GLT1D1: variants seen among roughly 807,000 people sequenced by gnomAD.
The protein encoded by GLT1D1 is glycosyltransferase 1 domain-containing protein 1.
GLT1D1 carries 21 observed loss-of-function variants against 28.7 expected under a neutral mutation model. The observed-to-expected ratio is 0.73, with a 90% confidence interval of 0.52 to 1.05. The LOEUF is 1.05. GLT1D1 is among the 50% of genes least tolerant of loss of function. The pLI is 0.00. For missense variants in GLT1D1, 343 were observed against 330.6 expected, an observed-to-expected ratio of 1.04 and a Z score of -0.29; for synonymous variants, 147 against 124.8, an observed-to-expected ratio of 1.18 and a Z score of -1.19.
chr12:128,915,987 C>G (rs1317947470), intron 4 of GLT1D1, among the ~76,000 whole-genome samples: 1 of 150,898 alleles, frequency 6.6e-6, no homozygotes, highest in Non-Finnish European at 1.5e-5. Context: ...ATTTCCACCA[C>G]TCAAGAAAGT....
chr12:128,944,645 C>A, intron 4 of GLT1D1: 1 of 735,864 alleles, frequency 1.4e-6, no homozygotes, highest in South Asian at 1.4e-5. Context: ...TCAGCTTTAT[C>A]TAGGGCTTCT....
chr12:128,876,626 T>C, intron 2 of GLT1D1, among the ~76,000 whole-genome samples: 1 of 152,202 alleles, frequency 6.6e-6, no homozygotes, highest in Non-Finnish European at 1.5e-5. Flanking sequence ...TTTCAATGCA[T>C]ATTTCATCTT....
intron 6 of GLT1D1, among the ~76,000 whole-genome samples, chr12:128,950,668 T>C (rs1876605074): frequency 6.6e-6 from 1 of 152,212 alleles, no homozygotes; most frequent in Non-Finnish European, 1.5e-5. Context: ...GAGTGTCTTA[T>C]GACTGTTCTG....
intron 4 of GLT1D1, among the ~76,000 whole-genome samples, chr12:128,928,656 T>C (rs1246375253): frequency 2.0e-5 from 3 of 151,456 alleles, no homozygotes; most frequent in Non-Finnish European, 4.4e-5. Context: ...GTTTCGCTCC[T>C]GTCACCCAGG....
intron 3 of GLT1D1, among the ~76,000 whole-genome samples, chr12:128,893,284 A>C (rs1331290137): frequency 1.3e-5 from 2 of 152,102 alleles, no homozygotes; most frequent in Non-Finnish European, 2.9e-5. Flanking sequence ...TCGTCAAGCA[A>C]ATGAGCAAAA....
chr12:128,898,158 C>T (rs1263369220), intron 3 of GLT1D1, among the ~76,000 whole-genome samples: 1 of 151,716 alleles, frequency 6.6e-6, no homozygotes, highest in Admixed American at 6.6e-5. Context: ...CCTCCTCCTC[C>T]TCCTCCTTCT....
intron 4 of GLT1D1, among the ~76,000 whole-genome samples, chr12:128,942,734 TGTTTGTTTG>T (rs2076926236): frequency 1.9e-5 from 2 of 103,396 alleles, no homozygotes; most frequent in African/African-American, 7.6e-5. Flanking sequence ...CAATTTTCTT[TGTTTGTTTG>T]TTTTTGTTTT....
chr12:128,936,223 C>T (rs1874541877), intron 4 of GLT1D1, among the ~76,000 whole-genome samples: 1 of 148,486 alleles, frequency 6.7e-6, no homozygotes, highest in African/African-American at 2.5e-5. Context: ...GGCCTGATCT[C>T]GGCTCACTGC....
chr12:128,968,761 G>T lies in GLT1D1; in HGVS notation c.639+11118G>T, dbSNP rs1475602288. On this transcript the variant is annotated intron_variant, in intron 7 of 7. Transcript: ENST00000281703. The stretch of plus-strand genomic sequence containing the variant: ...GATTGGGTGCCTGGGCTGGTGTATT[G>T]TTAGGGACACAGATTCTCCAGTGAG... Among the ~76,000 whole-genome samples, 5 of 152,166 alleles carry T rather than the reference G, an allele frequency of 3.3e-5. No individual in the cohort carries two copies. The East Asian group carries it at 9.7e-4, about 29-fold the overall frequency.
At chr12:128,947,596 G>T in intron 6 of GLT1D1, 138 bp downstream of exon 10, 1 of 862,776 alleles carries the variant, frequency 1.2e-6, no homozygotes, top group Non-Finnish European at 1.9e-6. Flanking sequence ...ATACCTGTTG[G>T]AGTTCAAAAG....
chr12:128,930,252 TC>T (rs1451446776), intron 4 of GLT1D1: 1 of 152,212 alleles, frequency 6.6e-6, no homozygotes, highest in East Asian at 1.9e-4. Context: ...AAGAAAAACT[TC>T]TAGTTTGATG....
intron 7 of GLT1D1, among the ~76,000 whole-genome samples, chr12:128,980,392 G>C (rs1235947144): frequency 6.6e-6 from 1 of 152,218 alleles, no homozygotes. Flanking sequence ...TGAGTGCCTG[G>C]CAAGAGTGTC....
At chr12:128,972,446 G>A (rs1879275658) in intron 7 of GLT1D1, among the ~76,000 whole-genome samples, 1 of 152,216 alleles carries the variant, frequency 6.6e-6, no homozygotes, top group African/African-American at 2.4e-5. Flanking sequence ...CACACCTGCT[G>A]CTAGGGAGGC....
intron 3 of GLT1D1, among the ~76,000 whole-genome samples, chr12:128,894,549 A>G (rs887046849): frequency 6.6e-6 from 1 of 151,948 alleles, no homozygotes; most frequent in Non-Finnish European, 1.5e-5. Flanking sequence ...GTTATTCAGT[A>G]TGGACTCGTG....
chr12:128,914,989 G>A, intron 4 of GLT1D1: 2 of 1,534,734 alleles, frequency 1.3e-6, no homozygotes, highest in East Asian at 4.9e-5. Flanking sequence ...TCAACGCTCT[G>A]GTGAGACATG....
chr12:128,933,798 T>G (rs1314323230), intron 4 of GLT1D1, among the ~76,000 whole-genome samples: 1 of 152,144 alleles, frequency 6.6e-6, no homozygotes, highest in African/African-American at 2.4e-5. Context: ...AGTATTCAAT[T>G]TAATTACACT....
intron 4 of GLT1D1, among the ~76,000 whole-genome samples, chr12:128,902,874 C>G (rs1045097008): frequency 1.3e-5 from 2 of 151,324 alleles, no homozygotes; most frequent in Non-Finnish European, 2.9e-5. Flanking sequence ...GAAACCCTGT[C>G]TCTACTGAAA....
At chr12:128,869,979 T>C (rs1956641862) in intron 1 of GLT1D1, among the ~76,000 whole-genome samples, 1 of 150,280 alleles carries the variant, frequency 6.7e-6, no homozygotes, top group South Asian at 2.1e-4. Flanking sequence ...TGCTCTGTCA[T>C]GGCTTACTGC....
intron 3 of GLT1D1, among the ~76,000 whole-genome samples, chr12:128,897,236 C>T (rs1287678685): frequency 6.6e-6 from 1 of 152,128 alleles, no homozygotes; most frequent in East Asian, 1.9e-4. Flanking sequence ...CTTTTTGCCC[C>T]TTGGGATGTT....
Sources: gnomAD v4.1 joint callset for allele counts (sites outside exome capture counted in the v4.1 genomes callset) on GRCh38, gnomAD v4.1.1 for gene constraint, MANE v1.5 for transcripts, NCBI Gene and HGNC (gene_info 2026-07-23, HGNC 2026-07-21) for gene names.